DOK5: variants seen among roughly 807,000 people sequenced by gnomAD.
DOK5 encodes the protein downstream of tyrosine kinase 5.
In DOK5, 27 loss-of-function variants were observed where a neutral mutation model predicts 43.3. The observed-to-expected ratio is 0.62, with a 90% CI of 0.46 to 0.86. The LOEUF (loss-of-function observed/expected upper bound fraction) is 0.86. Ranked by LOEUF, DOK5 falls within the 40% of genes least tolerant of loss-of-function variation. The pLI is 0.00. For synonymous variants in DOK5, 146 were observed against 140.1 expected (o/e 1.04, Z -0.30); for missense variants, 373 against 392.9 (o/e 0.95, Z 0.43).
chr20:54,625,117 C>T (rs553419866), intron 6 of DOK5, among the ~76,000 whole-genome samples: 25 of 152,258 alleles, frequency 1.6e-4, no homozygotes, highest in African/African-American at 6.0e-4. Flanking sequence ...CATCACTTTT[C>T]CTCCAAATGT....
intron 6 of DOK5, among the ~76,000 whole-genome samples, chr20:54,630,717 G>T (rs1978524257): frequency 6.6e-6 from 1 of 152,182 alleles, no homozygotes; most frequent in Non-Finnish European, 1.5e-5. Context: ...AGATTAGTCT[G>T]TTACACAATA....
intron 1 of DOK5, among the ~76,000 whole-genome samples, chr20:54,514,136 C>T (rs1199593171): frequency 6.6e-6 from 1 of 152,216 alleles, no homozygotes; most frequent in Non-Finnish European, 1.5e-5. Flanking sequence ...TAAGCCATCA[C>T]TGCTCCAGTT....
At chr20:54,492,649 G>A (rs557119697) in intron 1 of DOK5, among the ~76,000 whole-genome samples, 1 of 151,626 alleles carries the variant, frequency 6.6e-6, no homozygotes, top group South Asian at 2.1e-4. Flanking sequence ...GTTGTACCAG[G>A]TACACTCTGG....
At chr20:54,545,863 C>A (rs145091094) in intron 1 of DOK5, among the ~76,000 whole-genome samples, 105 of 152,328 alleles carry the variant, frequency 6.9e-4, no homozygotes, top group African/African-American at 2.5e-3. Flanking sequence ...GCAAATGTCA[C>A]ACTGAAATAG....
chr20:54,540,576 A>G (rs780905675), intron 1 of DOK5, among the ~76,000 whole-genome samples: 10 of 152,058 alleles, frequency 6.6e-5, no homozygotes, highest in Non-Finnish European at 1.5e-4. Flanking sequence ...AGTGCAGTGC[A>G]TGAGCATGAC....
At chr20:54,556,748 C>T (rs1045620645) in intron 2 of DOK5, among the ~76,000 whole-genome samples, 5 of 152,148 alleles carry the variant, frequency 3.3e-5, no homozygotes, top group South Asian at 2.1e-4. Context: ...GAACCTTAGC[C>T]GGTCTGTAAC....
chr20:54,572,474 T>C (rs1252464272), intron 2 of DOK5, among the ~76,000 whole-genome samples: 2 of 152,054 alleles, frequency 1.3e-5, no homozygotes, highest in Admixed American at 6.6e-5. Context: ...AACATTCTTA[T>C]ATGTACAATG....
intron 1 of DOK5, among the ~76,000 whole-genome samples, chr20:54,507,812 G>A (rs1982864973): frequency 6.6e-6 from 1 of 152,180 alleles, no homozygotes; most frequent in Non-Finnish European, 1.5e-5. Flanking sequence ...CCACACCCTA[G>A]AGAAGAAAAA....
At chr20:54,636,910 G>T (rs746522775) in intron 6 of DOK5, among the ~76,000 whole-genome samples, 9 of 152,162 alleles carry the variant, frequency 5.9e-5, no homozygotes, top group Non-Finnish European at 1.3e-4. Context: ...AGGACTTTTG[G>T]GGGGGACAAA....
intron 6 of DOK5, among the ~76,000 whole-genome samples, chr20:54,633,922 C>T (rs1029971362): frequency 1.8e-4 from 27 of 152,202 alleles, no homozygotes; most frequent in Non-Finnish European, 4.0e-4. Flanking sequence ...TTCAATTTTG[C>T]AAAACACAAT....
intron 1 of DOK5, among the ~76,000 whole-genome samples, chr20:54,521,979 C>G (rs919320127): frequency 6.6e-6 from 1 of 152,194 alleles, no homozygotes; most frequent in Non-Finnish European, 1.5e-5. Context: ...ATCACACCAG[C>G]CAAACTGCTT....
chr20:54,499,687 C>T (rs1982522755), intron 1 of DOK5, among the ~76,000 whole-genome samples: 1 of 152,208 alleles, frequency 6.6e-6, no homozygotes, highest in African/African-American at 2.4e-5. Context: ...TAATCAATCA[C>T]ATTTACACAA....
At position 54,475,925 on chromosome 20, in the gene DOK5, G is replaced by A. The variant is rs200424144; in HGVS notation, c.-22G>A. The stretch of plus-strand genomic sequence containing the variant: ...TTCGGGTGCGCGCTCTTGGGTAAAG[G>A]GGGGGTCACCGGCTGTCTGGGATGG... On this transcript the variant is annotated 5_prime_UTR_variant, in exon 1 of 8. Transcript: ENST00000262593. The surrounding 1 kb of genome is among the most constrained non-coding windows in gnomAD (Gnocchi z 4.2). 6 of 1,612,630 alleles carry A rather than the reference G, an allele frequency of 3.7e-6. No individual in the cohort carries two copies. The Admixed American group carries it at 5.0e-5, about 13-fold the overall frequency.
intron 1 of DOK5, among the ~76,000 whole-genome samples, chr20:54,522,478 A>G (rs1983437898): frequency 6.6e-6 from 1 of 152,070 alleles, no homozygotes; most frequent in Non-Finnish European, 1.5e-5. Context: ...GGAGACAGAG[A>G]AGGAGAGAAA....
intron 5 of DOK5, among the ~76,000 whole-genome samples, chr20:54,600,616 G>A (rs1249667256): frequency 1.3e-5 from 2 of 152,158 alleles, no homozygotes. Flanking sequence ...CTGCCTGCAT[G>A]TGACATTACA....
At position 54,547,598 on chromosome 20, in the gene DOK5, C is replaced by G. The variant is rs1426857833; in HGVS notation, c.67-7335C>G. 2.6e-5 allele frequency among the ~76,000 whole-genome samples: 4 copies of G among 151,942 alleles called. No homozygotes were observed. In the East Asian group the frequency reaches 7.7e-4, roughly 29 times the overall value. On this transcript the variant is annotated intron_variant, in intron 1 of 7. Coordinates refer to ENST00000262593, the MANE Select transcript of DOK5 (RefSeq NM_018431.5). The stretch of plus-strand genomic sequence containing the variant: ...AAATGTTAGAGATTTTAAACCAGGG[C>G]TAAGCAATTATTAAGGGTATCAAAT...
intron 5 of DOK5, among the ~76,000 whole-genome samples, chr20:54,606,477 C>T (rs1460269621): frequency 6.6e-6 from 1 of 152,194 alleles, no homozygotes; most frequent in Non-Finnish European, 1.5e-5. Flanking sequence ...ATTAGAACAT[C>T]TTTGTTCTGT....
chr20:54,544,457 A>C (rs963565770), intron 1 of DOK5, among the ~76,000 whole-genome samples: 1 of 152,156 alleles, frequency 6.6e-6, no homozygotes, highest in Non-Finnish European at 1.5e-5. Flanking sequence ...TAGGATGGAA[A>C]ATTCTGACTT....
At chr20:54,612,434 T>C (rs112361336) in intron 6 of DOK5, among the ~76,000 whole-genome samples, 6 of 152,320 alleles carry the variant, frequency 3.9e-5, no homozygotes, top group African/African-American at 1.4e-4. Flanking sequence ...TGCCTAGATA[T>C]TTGGTTAAAC....
Sources: allele counts gnomAD v4.1 joint callset (sites outside exome capture counted in the v4.1 genomes callset), GRCh38; gene constraint gnomAD v4.1.1; non-coding constraint Gnocchi (gnomAD v3.1); transcripts MANE v1.5; gene names NCBI Gene and HGNC (gene_info 2026-07-23, HGNC 2026-07-21).